The following ITSN1 variants were observed in gnomAD, a reference collection of about 807,000 sequenced individuals.
ITSN1 encodes the protein intersectin-1.
ITSN1 carries 58 observed loss-of-function variants against 239.8 expected under a neutral mutation model. The observed-to-expected ratio is 0.24, with a 90% CI of 0.20 to 0.30. The LOEUF (loss-of-function observed/expected upper bound fraction) is 0.30. Among genes scored for constraint, ITSN1 ranks in the 10% least tolerant of loss-of-function variants. The probability of loss-of-function intolerance (pLI) is 1.00; values close to 1 mark genes in which losing one functional copy is unlikely to be tolerated. For synonymous variants in ITSN1, 780 were observed against 770.8 expected, an observed-to-expected ratio of 1.01 and a Z score of -0.20; for missense variants, 1,558 against 2,103.3, an observed-to-expected ratio of 0.74 and a Z score of 5.07.
At chr21:33,692,212 CT>C (rs2091580269) in intron 1 of ITSN1, among the ~76,000 whole-genome samples, 2 of 152,150 alleles carry the variant, frequency 1.3e-5, no homozygotes, top group African/African-American at 4.8e-5. Context: ...TGTTAGGAGC[CT>C]TTTAACTTAG....
At chr21:33,652,482 C>T (rs1485642922) in intron 1 of ITSN1, among the ~76,000 whole-genome samples, 1 of 152,168 alleles carries the variant, frequency 6.6e-6, no homozygotes. Context: ...TTTGCTACAT[C>T]GTCATATATG....
intron 27 of ITSN1, among the ~76,000 whole-genome samples, chr21:33,830,903 G>C (rs955972230): frequency 5.3e-5 from 8 of 151,594 alleles, no homozygotes; most frequent in South Asian, 4.2e-4. Context: ...AGAGGGTGGG[G>C]GGGGAGGGAG....
chr21:33,741,775 GTCCCA>G (rs2147341063), intron 5 of ITSN1, among the ~76,000 whole-genome samples: 1 of 151,208 alleles, frequency 6.6e-6, no homozygotes, highest in South Asian at 2.1e-4. Flanking sequence ...GGTGTCTGTA[GTCCCA>G]GCTGCTCGGG....
At chr21:33,674,505 T>G (rs2090480665) in intron 1 of ITSN1, among the ~76,000 whole-genome samples, 1 of 152,114 alleles carries the variant, frequency 6.6e-6, no homozygotes, top group Admixed American at 6.6e-5. Flanking sequence ...GGCTAAAGTG[T>G]GGAAGACAAT....
rs757680349 is a variant in ITSN1 at position 33,890,409 on chromosome 21, C to T, written c.*2109C>T. 3 of 152,156 alleles carry T rather than the reference C, an allele frequency of 2.0e-5. No homozygotes were observed. The highest frequency in any genetic ancestry group is 4.8e-5 in the African/African-American group (2 of 41,442). 9.4% of individuals were successfully genotyped at this position (152,156 alleles called of 1,614,324 possible). ...TATGGTATGCACAATGACAAACAAT[C>T]GTTTTAGGTCCCAGGTCACCCACTC... is the stretch of plus-strand genomic sequence containing the variant. On this transcript the variant is annotated 3_prime_UTR_variant, in exon 40 of 40. Coordinates refer to ENST00000381318, the MANE Select transcript of ITSN1 (RefSeq NM_003024.3).
intron 29 of ITSN1, among the ~76,000 whole-genome samples, chr21:33,849,290 G>A (rs1458815339): frequency 6.6e-6 from 1 of 151,496 alleles, no homozygotes; most frequent in Non-Finnish European, 1.5e-5. Flanking sequence ...ATTTGGCTGG[G>A]CACAGTGGCT....
At chr21:33,794,757 G>T (rs2071403344) in intron 17 of ITSN1, among the ~76,000 whole-genome samples, 1 of 151,804 alleles carries the variant, frequency 6.6e-6, no homozygotes, top group African/African-American at 2.4e-5. Flanking sequence ...CATGCTAATG[G>T]CCAGTTCACA....
chr21:33,700,959 G>T (rs984447447), intron 1 of ITSN1, among the ~76,000 whole-genome samples: 5 of 133,502 alleles, frequency 3.7e-5, no homozygotes, highest in African/African-American at 1.3e-4. Flanking sequence ...TTCTGTGTGT[G>T]TGTGTGTGTG....
Position 33,898,927 on chromosome 21 carries a change from T to C in ITSN1, c.*10627T>C, listed in dbSNP as rs1296295875. ...TAATCTGCAAATCACTTAGAGGCAC[T>C]GTCCATGTGGTCCATAACTGGCTTT... On this transcript the variant is annotated 3_prime_UTR_variant, in exon 40 of 40. Transcript: ENST00000381318. 2 of 152,248 alleles carry C rather than the reference T, an allele frequency of 1.3e-5. No individual in the cohort carries two copies. The allele number at this position is 152,248 out of a possible 1,614,324, so 9.4% of individuals were successfully genotyped here.
At chr21:33,790,320 A>C (rs1043243180) in intron 16 of ITSN1, among the ~76,000 whole-genome samples, 4 of 122,212 alleles carry the variant, frequency 3.3e-5, no homozygotes, top group Non-Finnish European at 7.9e-5. Context: ...TATACTACAC[A>C]TTTTATAGTT....
At chr21:33,658,322 T>C (rs2089263195) in intron 1 of ITSN1, among the ~76,000 whole-genome samples, 1 of 152,042 alleles carries the variant, frequency 6.6e-6, no homozygotes, top group Admixed American at 6.6e-5. Flanking sequence ...TGAATATGAG[T>C]GGACCCACAC....
intron 5 of ITSN1, among the ~76,000 whole-genome samples, chr21:33,736,501 C>T (rs2066512839): frequency 6.6e-6 from 1 of 152,210 alleles, no homozygotes; most frequent in Non-Finnish European, 1.5e-5. Context: ...CATATATGAG[C>T]AAAGGCGAGG....
intron 12 of ITSN1, 53 bp downstream of exon 12, chr21:33,772,376 C>T: frequency 6.5e-7 from 1 of 1,535,076 alleles, no homozygotes; most frequent in Non-Finnish European, 8.8e-7. Flanking sequence ...CACCCCTTTT[C>T]AGAATTATCC....
In ITSN1 at chr21:33,835,661, T is replaced by A. The variant is rs2074558373; in HGVS notation, c.3470-780T>A. 2.0e-5 allele frequency among the ~76,000 whole-genome samples: 3 copies of A among 152,234 alleles called. No homozygotes were observed. The South Asian group carries it at 6.2e-4, about 32-fold the overall frequency. ...AACACTGATTTTAGGCCTGGCATGG[T>A]GGCTCGCGCCTGTAATCCCAGCACT... On this transcript the variant is annotated intron_variant, in intron 28 of 39. Coordinates refer to ENST00000381318, the MANE Select transcript of ITSN1 (RefSeq NM_003024.3).
intron 1 of ITSN1, among the ~76,000 whole-genome samples, chr21:33,660,264 C>G (rs564186566): frequency 6.6e-6 from 1 of 152,132 alleles, no homozygotes; most frequent in South Asian, 2.1e-4. Context: ...GATCTTTCCC[C>G]GTGCTTTTAT....
chr21:33,761,867 T>C, intron 8 of ITSN1, 56 bp from the exon 9 acceptor site: 6 of 1,272,780 alleles, frequency 4.7e-6, no homozygotes, highest in Non-Finnish European at 5.8e-6. Context: ...CTGGTCCTCC[T>C]GTACAGTGAG....
chr21:33,739,800 A>G (rs1002931833), intron 5 of ITSN1, among the ~76,000 whole-genome samples: 1 of 152,222 alleles, frequency 6.6e-6, no homozygotes, highest in Non-Finnish European at 1.5e-5. Context: ...TGGGGAGACC[A>G]TAAGGAAAAG....
intron 38 of ITSN1, among the ~76,000 whole-genome samples, chr21:33,885,797 AG>A (rs1335081294): frequency 6.6e-6 from 1 of 152,214 alleles, no homozygotes; most frequent in Non-Finnish European, 1.5e-5. Context: ...GGAAGGGCCT[AG>A]TTTCAAAGCC....
Position 33,865,706 on chromosome 21 carries a change from T to C in ITSN1, c.4074+372T>C, listed in dbSNP as rs1257489383. Among the ~76,000 whole-genome samples, 1 of 152,262 alleles carries C rather than the reference T, an allele frequency of 6.6e-6. No homozygotes were observed. Among genetic ancestry groups the C allele is most frequent in the African/African-American group, 2.4e-5 (1 of 41,482 alleles). Reference sequence around the variant, plus strand: ...ACATCCTCAGTTCTTTGCTGGTCTCTGCCCTTCACTTGCAGAGGGAATGGC... The same window carrying C: ...ACATCCTCAGTTCTTTGCTGGTCTCCGCCCTTCACTTGCAGAGGGAATGGC... On this transcript the variant is annotated intron_variant, in intron 32 of 39. Transcript: ENST00000381318. The surrounding 1 kb of genome is among the most constrained non-coding windows in gnomAD (Gnocchi z 4.4).
Sources: allele counts gnomAD v4.1 joint callset (sites outside exome capture counted in the v4.1 genomes callset), GRCh38; gene constraint gnomAD v4.1.1; non-coding constraint Gnocchi (gnomAD v3.1); transcripts MANE v1.5; gene names NCBI Gene and HGNC (gene_info 2026-07-23, HGNC 2026-07-21).